Variants in ZFP28 observed in about 807,000 individuals in gnomAD.
ZFP28 encodes zinc finger protein 28 homolog.
ZFP28 carries 31 observed loss-of-function variants against 39.5 expected under a neutral mutation model. That is an observed-to-expected ratio of 0.79 (90% CI 0.59 to 1.06). ZFP28 has a LOEUF of 1.06. ZFP28 is among the 50% of genes least tolerant of loss of function. The pLI, the probability that ZFP28 is intolerant of heterozygous loss-of-function variation, is 0.00. For synonymous variants in ZFP28, 400 were observed against 378.6 expected (o/e 1.06, Z -0.66); for missense variants, 925 against 1,048.4 (o/e 0.88, Z 1.63).
rs1457285135 is a variant in ZFP28, at chr19:56,554,552, T to C, written c.1767T>C (p.Phe589=). 2.5e-6 allele frequency: 4 copies of C among 1,614,050 alleles called. No homozygotes were observed. The highest frequency in any genetic ancestry group is 3.4e-6 in the Non-Finnish European group (4 of 1,180,044). Residue 589 remains phenylalanine (F), a synonymous_variant, in exon 8 of 8, where the codon TTT becomes TTC. Coordinates refer to ENST00000301318, the MANE Select transcript of ZFP28 (RefSeq NM_020828.2). The surrounding 1 kb of genome is among the most constrained non-coding windows in gnomAD (Gnocchi z 6.7). ...HQRVHSGEKP[F]KCKECGKAFR... The stretch of plus-strand genomic sequence containing the variant: ...GAGTACATTCTGGAGAAAAGCCTTT[T>C]AAGTGTAAAGAGTGCGGAAAAGCTT...
rs1310042149 is a variant in ZFP28, at chr19:56,550,079, A to G, written c.700A>G (p.Ile234Val). 2 of 1,611,262 alleles carry G rather than the reference A, an allele frequency of 1.2e-6. No individual in the cohort carries two copies. Among genetic ancestry groups the G allele is most frequent in the Non-Finnish European group, 1.7e-6 (2 of 1,178,930 alleles). Residue 234 changes from isoleucine (I) to valine (V), a missense_variant, in exon 6 of 8, where the codon ATC becomes GTC. Transcript: ENST00000301318. ...LFETQPGLVT[I>V]KNLAVDFRQQ... ...TTTACCATTGCAGGGCTTGGTGACTATCAAAAACCTGGCTGTTGACTTCCG... is the reference window on the plus strand; with the variant it reads ...TTTACCATTGCAGGGCTTGGTGACTGTCAAAAACCTGGCTGTTGACTTCCG...
chr19:56,548,700 C>G (rs2147956655), intron 4 of ZFP28, among the ~76,000 whole-genome samples: 1 of 152,238 alleles, frequency 6.6e-6, no homozygotes, highest in African/African-American at 2.4e-5. Context: ...ATAATGTGAA[C>G]TCTTATTCAA....
rs200836556 is a variant in ZFP28, at chr19:56,553,661, T to C, written c.899-23T>C. ...TTCCTAGCACACGAAAAAGGAAATA[T>C]GTGTTTTCTTGGTATCTTTCAGGCC... On this transcript the variant is annotated intron_variant, in intron 7 of 7. Coordinates refer to ENST00000301318, the MANE Select transcript of ZFP28 (RefSeq NM_020828.2). The C allele has an allele frequency of 8.5e-6, 13 of 1,537,314 alleles. No individual in the cohort carries two copies. In the East Asian group the frequency reaches 2.3e-4, roughly 27 times the overall value.
chr19:56,555,396 C>T lies in ZFP28; in HGVS notation c.*4C>T, dbSNP rs753835189. On this transcript the variant is annotated 3_prime_UTR_variant, in exon 8 of 8. Coordinates refer to ENST00000301318, the MANE Select transcript of ZFP28 (RefSeq NM_020828.2). ...ATCCTCCCTCCCATCACCATAGCCT[C>T]GAGACGTCATTTCTGTTTGACTACT... 6.9e-6 allele frequency: 11 copies of T among 1,594,422 alleles called. No homozygotes were observed. In the East Asian group the frequency reaches 8.9e-5, roughly 13 times the overall value.
chr19:56,537,910 C>T (rs1283807888), upstream of ZFP28: 1 of 152,152 alleles, frequency 6.6e-6, no homozygotes, highest in East Asian at 1.9e-4. Flanking sequence ...GGGGGAGAGA[C>T]CGGTCCTAAA....
intron 2 of ZFP28, among the ~76,000 whole-genome samples, chr19:56,542,730 A>T (rs2147949353): frequency 6.6e-6 from 1 of 151,996 alleles, no homozygotes; most frequent in African/African-American, 2.4e-5. Context: ...AGTCATTTTT[A>T]TACCTGAAAA....
Position 56,555,382 on chromosome 19 carries a change from C to T in ZFP28, c.2597C>T (p.Pro866Leu). 1 of 1,610,218 alleles carries T rather than the reference C, an allele frequency of 6.2e-7. No homozygotes were observed. Among genetic ancestry groups the T allele is most frequent in the Admixed American group, 1.7e-5 (1 of 59,698 alleles). The part of the protein sequence containing the change: ...PKFLWNPSSL[P>L]SP ...TTTCTCTGGAATCCATCCTCCCTCC[C>T]ATCACCATAGCCTCGAGACGTCATT... The change falls in exon 8 of 8, where the codon CCA (proline) becomes CTA (leucine). Residue 866 changes from proline to leucine, a missense_variant. Physicochemically the swap from Pro to Leu is moderately conservative, Grantham distance 98 (BLOSUM62 -3). Transcript: ENST00000301318.
chr19:56,545,298 A>G (rs1405498662), intron 2 of ZFP28, among the ~76,000 whole-genome samples: 4 of 152,210 alleles, frequency 2.6e-5, no homozygotes, highest in Admixed American at 2.0e-4. Flanking sequence ...TGCAGTTGAT[A>G]TTCACTCAAA....
At chr19:56,540,929 T>G (rs557672382) in intron 2 of ZFP28, among the ~76,000 whole-genome samples, 1 of 152,348 alleles carries the variant, frequency 6.6e-6, no homozygotes, top group East Asian at 1.9e-4. Flanking sequence ...CCTCCGTGAC[T>G]TGAACAGAGT....
At position 56,547,253 on chromosome 19, in the gene ZFP28, C is replaced by T; in HGVS notation, c.301-255C>T. On this transcript the variant is annotated intron_variant, in intron 2 of 7. Transcript: ENST00000301318. The surrounding 1 kb of genome is among the most constrained non-coding windows in gnomAD (Gnocchi z 4.6). ...TCACGTGGTCTTTTCCCTGTGCCTG[C>T]ACACCGTGGTATCTCTTCCTGTTTT... The T allele has an allele frequency of 2.2e-6, 1 of 458,890 alleles. No homozygotes were observed. Among genetic ancestry groups the T allele is most frequent in the South Asian group, 3.0e-5 (1 of 33,718 alleles). The allele number at this position is 458,890 out of a possible 1,614,324, so 28.4% of individuals were successfully genotyped here. A position where few individuals can be genotyped will look rare whatever the true frequency, so the allele number is the denominator to read the frequency against.
In ZFP28 at chr19:56,547,770, C is replaced by T. The variant is rs778935050; in HGVS notation, c.428-37C>T. 4.3e-6 allele frequency: 7 copies of T among 1,611,882 alleles called. No homozygotes were observed. The South Asian group carries it at 7.7e-5, about 18-fold the overall frequency. ...GGGGACTGCATCTCAGTCTGGACAGCCACACAGTATGACCAGGTTGTTTTT... is the reference window on the plus strand; with the variant it reads ...GGGGACTGCATCTCAGTCTGGACAGTCACACAGTATGACCAGGTTGTTTTT... On this transcript the variant is annotated intron_variant, in intron 3 of 7. Coordinates refer to ENST00000301318, the MANE Select transcript of ZFP28 (RefSeq NM_020828.2). The surrounding 1 kb of genome is among the most constrained non-coding windows in gnomAD (Gnocchi z 4.6).
At chr19:56,550,474 C>G (rs767027522) in intron 6 of ZFP28, 36 bp from the exon 7 acceptor site, 2 of 1,577,536 alleles carry the variant, frequency 1.3e-6, no homozygotes, top group Admixed American at 3.5e-5. Flanking sequence ...GATGCCAAGA[C>G]TATTGGCCAA....
intron 2 of ZFP28, among the ~76,000 whole-genome samples, chr19:56,541,275 C>T (rs1377029554): frequency 2.0e-5 from 3 of 152,200 alleles, no homozygotes; most frequent in Non-Finnish European, 2.9e-5. Context: ...TGGCTCATTT[C>T]TTGCCTTTTC....
rs1231210139 is a variant in ZFP28 at position 56,543,341 on chromosome 19, T to TATATATGTATATTTTATATATATATTA, written c.300+3639_300+3665dup. On this transcript the variant is annotated intron_variant, in intron 2 of 7. Transcript: ENST00000301318. ...TGTTTATATATTATATAGAATATAT[T>TATATATGTATATTTTATATATATATTA]ATATATGTATATTTTATATATATAT... Among the ~76,000 whole-genome samples, 3 of 146,812 alleles carry TATATATGTATATTTTATATATATATTA rather than the reference T, an allele frequency of 2.0e-5. No individual in the cohort carries two copies. In the Admixed American group the frequency reaches 2.1e-4, roughly 10 times the overall value.
chr19:56,540,241 G>C (rs2044184095), intron 2 of ZFP28, among the ~76,000 whole-genome samples: 1 of 152,200 alleles, frequency 6.6e-6, no homozygotes, highest in Non-Finnish European at 1.5e-5. Context: ...GGAAGGGTAG[G>C]CCTATTTACC....
chr19:56,542,310 T>C (rs2044202298), intron 2 of ZFP28, among the ~76,000 whole-genome samples: 2 of 152,142 alleles, frequency 1.3e-5, no homozygotes, highest in South Asian at 4.1e-4. Context: ...TGTGCCACCA[T>C]GCCCAGCTAA....
At position 56,539,113 on chromosome 19, in the gene ZFP28, C is replaced by A; in HGVS notation, c.95C>A (p.Thr32Asn). 6.4e-7 allele frequency: 1 copy of A among 1,570,292 alleles called. No individual in the cohort carries two copies. The highest frequency in any genetic ancestry group is 1.2e-5 in the South Asian group (1 of 86,436). ...AAGCCCCGGGCGGGCCGAGGCCCGACTGTAGGGACTCCAGCCACCTTGGCC... is the reference window on the plus strand; with the variant it reads ...AAGCCCCGGGCGGGCCGAGGCCCGAATGTAGGGACTCCAGCCACCTTGGCC... ...RTKPRAGRGP[T>N]VGTPATLALP... Residue 32 changes from threonine (T) to asparagine (N), a missense_variant, in exon 1 of 8, where the codon ACT becomes AAT. Physicochemically the swap from Thr to Asn is moderately conservative, Grantham distance 65. Around this residue, in one of 2 missense-constraint regions of ZFP28, gnomAD observed 556 missense variants for 542.9 expected, o/e 1.02. Coordinates refer to ENST00000301318, the MANE Select transcript of ZFP28 (RefSeq NM_020828.2).
intron 2 of ZFP28, among the ~76,000 whole-genome samples, chr19:56,541,368 T>A (rs2044193919): frequency 6.6e-6 from 1 of 152,200 alleles, no homozygotes. Flanking sequence ...ATCACATCTA[T>A]CACCAGCAGC....
rs1015117398 is a variant in ZFP28 at position 56,556,530 on chromosome 19, T to C, written c.*1138T>C. The C allele has an allele frequency of 1.3e-4, 20 of 152,260 alleles. No individual in the cohort carries two copies. Among genetic ancestry groups the C allele is most frequent in the African/African-American group, 4.3e-4 (18 of 41,478 alleles). 9.4% of individuals were successfully genotyped at this position (152,260 alleles called of 1,614,324 possible). A position where few individuals can be genotyped will look rare whatever the true frequency, so the allele number is the denominator to read the frequency against. ...CAGCCATGCTTACTTGTTTAGCTAT[T>C]GACTATGGCTGCTTTAGACAACTGT... On this transcript the variant is annotated 3_prime_UTR_variant, in exon 8 of 8. Coordinates refer to ENST00000301318, the MANE Select transcript of ZFP28 (RefSeq NM_020828.2).
Sources: gnomAD v4.1 joint callset for allele counts (sites outside exome capture counted in the v4.1 genomes callset) on GRCh38, gnomAD v4.1.1 for gene constraint, gnomAD v4.1.1 regional missense constraint, Gnocchi (gnomAD v3.1) non-coding constraint, MANE v1.5 for transcripts, NCBI Gene and HGNC (gene_info 2026-07-23, HGNC 2026-07-21) for gene names.